STAU2: variants seen among roughly 807,000 people sequenced by gnomAD.
STAU2 encodes staufen double-stranded RNA binding protein 2, also known as double-stranded RNA-binding protein Staufen homolog 2.
STAU2 carries 20 observed loss-of-function variants against 65.9 expected under a neutral mutation model. The ratio of observed to expected loss-of-function variants is 0.30; its 90% CI spans 0.21 to 0.44. The LOEUF is 0.44. STAU2 is among the 20% of genes least tolerant of loss of function. The pLI is 1.00. For synonymous variants in STAU2, 232 were observed against 233.9 expected (o/e 0.99, Z 0.07); for missense variants, 558 against 683.9 (o/e 0.82, Z 2.05).
intron 12 of STAU2, among the ~76,000 whole-genome samples, chr8:73,574,903 T>C (rs919392813): frequency 1.3e-5 from 2 of 151,602 alleles, no homozygotes; most frequent in African/African-American, 4.8e-5. Context: ...ACTTAAAGTA[T>C]AATAAAATAA....
At chr8:73,704,554 G>A (rs1484993957) in intron 4 of STAU2, among the ~76,000 whole-genome samples, 1 of 152,134 alleles carries the variant, frequency 6.6e-6, no homozygotes, top group Non-Finnish European at 1.5e-5. Context: ...AACAGACATA[G>A]TTCTTTTAAA....
chr8:73,564,243 T>G (rs1808440433), intron 12 of STAU2, among the ~76,000 whole-genome samples: 1 of 152,174 alleles, frequency 6.6e-6, no homozygotes, highest in Admixed American at 6.5e-5. Flanking sequence ...CCTGGGATAT[T>G]TAGTTTTCCC....
At chr8:73,581,966 G>T (rs1292641837) in intron 12 of STAU2, among the ~76,000 whole-genome samples, 1 of 152,106 alleles carries the variant, frequency 6.6e-6, no homozygotes, top group Non-Finnish European at 1.5e-5. Flanking sequence ...AGATAGATAG[G>T]GTTGGAAATG....
At chr8:73,498,164 G>A (rs1040506035) in intron 13 of STAU2, among the ~76,000 whole-genome samples, 2 of 151,704 alleles carry the variant, frequency 1.3e-5, no homozygotes, top group Admixed American at 6.6e-5. Flanking sequence ...TATTTCTGGG[G>A]GGAAAAAGGT....
intron 13 of STAU2, among the ~76,000 whole-genome samples, chr8:73,498,135 C>T (rs983680627): frequency 6.6e-6 from 1 of 151,840 alleles, no homozygotes; most frequent in Admixed American, 6.6e-5. Flanking sequence ...CAGAGCCAGC[C>T]TGCCACATAA....
At chr8:73,713,245 G>T (rs1237386188) in intron 3 of STAU2, among the ~76,000 whole-genome samples, 1 of 152,068 alleles carries the variant, frequency 6.6e-6, no homozygotes, top group Non-Finnish European at 1.5e-5. Context: ...CTATTTTTAT[G>T]TCTTCACAAA....
Position 73,723,120 on chromosome 8 carries a change from A to C in STAU2, c.-17-13958T>G, listed in dbSNP as rs541492225. Among the ~76,000 whole-genome samples the C allele has an allele frequency of 2.2e-4, 34 of 152,166 alleles. 1 individual carries two copies. In the South Asian group the frequency reaches 6.4e-3, roughly 29 times the overall value. On this transcript the variant is annotated intron_variant, in intron 3 of 14. Coordinates refer to ENST00000524300, the MANE Select transcript of STAU2 (RefSeq NM_001164380.2). Reference sequence around the variant, plus strand: ...CGTGCCCACACACCCACACACACACACACACATACACACACACACACAACA... The same window carrying C: ...CGTGCCCACACACCCACACACACACCCACACATACACACACACACACAACA...
intron 13 of STAU2, among the ~76,000 whole-genome samples, chr8:73,522,177 C>G (rs1395236074): frequency 6.6e-6 from 1 of 151,946 alleles, no homozygotes; most frequent in Non-Finnish European, 1.5e-5. Flanking sequence ...AAAAAGGAAA[C>G]AAAGATAGGG....
intron 5 of STAU2, among the ~76,000 whole-genome samples, chr8:73,688,332 T>C (rs1255425921): frequency 6.6e-6 from 1 of 151,838 alleles, no homozygotes; most frequent in African/African-American, 2.4e-5. Context: ...ACCTGGCTAA[T>C]TTTTTATATT....
intron 5 of STAU2, among the ~76,000 whole-genome samples, chr8:73,678,470 C>A (rs1301678682): frequency 6.6e-6 from 1 of 152,122 alleles, no homozygotes; most frequent in Non-Finnish European, 1.5e-5. Context: ...CTATAACTGC[C>A]TACTTTTCGG....
At chr8:73,465,754 C>T (rs1393231720) in intron 13 of STAU2, among the ~76,000 whole-genome samples, 9 of 152,278 alleles carry the variant, frequency 5.9e-5, no homozygotes, top group African/African-American at 1.7e-4. Context: ...CTTGGTGTCC[C>T]CTTCCCTTGT....
At chr8:73,538,677 A>G (rs952763134) in intron 13 of STAU2, among the ~76,000 whole-genome samples, 4 of 106,970 alleles carry the variant, frequency 3.7e-5, no homozygotes, top group African/African-American at 6.1e-5. Flanking sequence ...AGAGTTTTAG[A>G]AAAAAAAAAA....
chr8:73,697,311 G>T (rs1819752124), intron 4 of STAU2: 1 of 152,170 alleles, frequency 6.6e-6, no homozygotes, highest in Non-Finnish European at 1.5e-5. Flanking sequence ...CTTTCACCTA[G>T]AATAGTATAT....
chr8:73,554,078 A>T (rs1467652844), intron 12 of STAU2, among the ~76,000 whole-genome samples: 1 of 152,146 alleles, frequency 6.6e-6, no homozygotes, highest in Non-Finnish European at 1.5e-5. Flanking sequence ...GAGGCCTCTC[A>T]AACTTTTATG....
At chr8:73,616,366 G>A (rs750656342) in intron 7 of STAU2, among the ~76,000 whole-genome samples, 1 of 152,102 alleles carries the variant, frequency 6.6e-6, no homozygotes, top group Non-Finnish European at 1.5e-5. Context: ...AACAGATCAA[G>A]AAATAGATAG....
chr8:73,436,340 C>T (rs555015490), intron 13 of STAU2, among the ~76,000 whole-genome samples: 1 of 151,760 alleles, frequency 6.6e-6, no homozygotes, highest in African/African-American at 2.4e-5. Context: ...TGGTGGCCAT[C>T]CTAGTGGTGG....
chr8:73,624,959 C>T (rs1299011897), intron 6 of STAU2, among the ~76,000 whole-genome samples: 1 of 152,114 alleles, frequency 6.6e-6, no homozygotes, highest in African/African-American at 2.4e-5. Context: ...TCCTCTTAAC[C>T]CACCCATCTG....
intron 13 of STAU2, among the ~76,000 whole-genome samples, chr8:73,510,814 C>G (rs373740846): frequency 6.6e-6 from 1 of 152,206 alleles, no homozygotes. Context: ...CACCTGGTCC[C>G]TCCCACGACA....
chr8:73,500,668 T>G (rs1310057638), intron 13 of STAU2, among the ~76,000 whole-genome samples: 1 of 151,930 alleles, frequency 6.6e-6, no homozygotes, highest in East Asian at 1.9e-4. Context: ...TTAGTGGCAA[T>G]AAGAATATGA....
Sources: gnomAD v4.1 joint callset for allele counts (sites outside exome capture counted in the v4.1 genomes callset) on GRCh38, gnomAD v4.1.1 for gene constraint, MANE v1.5 for transcripts, NCBI Gene and HGNC (gene_info 2026-07-23, HGNC 2026-07-21) for gene names.